GCFC2: variants seen among roughly 807,000 people sequenced by gnomAD.
The protein encoded by GCFC2 is GC-rich sequence DNA-binding factor 2, also known as intron Large complex component GCFC2.
GCFC2 carries 102 observed loss-of-function variants against 99.4 expected under a neutral mutation model. The ratio of observed to expected loss-of-function variants is 1.03; its 90% CI spans 0.87 to 1.21. The LOEUF (loss-of-function observed/expected upper bound fraction) is 1.21. Ranked by LOEUF, GCFC2 falls within the 50% of genes most tolerant of loss-of-function variation. The probability of loss-of-function intolerance (pLI) is 0.00; values close to 1 mark genes in which losing one functional copy is unlikely to be tolerated. For synonymous variants in GCFC2, 338 were observed against 316.8 expected (o/e 1.07, Z -0.71); for missense variants, 973 against 920.9 (o/e 1.06, Z -0.73).
At position 75,689,183 on chromosome 2, in the gene GCFC2, T is replaced by C. The variant is rs568695239; in HGVS notation, c.1382A>G (p.Gln461Arg). ...ATTCTGGATGTTACAAAAATCATCT[T>C]GCACTTCTTCAAAAACTTTCTTCTG... Reference protein sequence around the residue: ...QKQKKVFEEVQDDFCNIQNIL... With the variant: ...QKQKKVFEEVRDDFCNIQNIL... The change falls in exon 10 of 17, where the codon CAA becomes CGA. Residue 461 changes from glutamine (Q) to arginine (R), a missense_variant. Transcript: ENST00000321027. 2.0e-5 allele frequency: 32 copies of C among 1,604,814 alleles called. No individual in the cohort carries two copies. In the Admixed American group the frequency reaches 5.3e-4, roughly 26 times the overall value.
chr2:75,689,107 A>G lies in GCFC2; in HGVS notation c.1458T>C (p.Tyr486=), dbSNP rs764223374. 3.6e-5 allele frequency: 58 copies of G among 1,596,014 alleles called. No homozygotes were observed. The highest frequency in any genetic ancestry group is 4.9e-5 in the Non-Finnish European group (57 of 1,165,010). The change falls in exon 10 of 17, where the codon TAT becomes TAC. Residue 486 remains tyrosine (Y), a synonymous_variant. Coordinates refer to ENST00000321027, the MANE Select transcript of GCFC2 (RefSeq NM_003203.5). ...QWREKFPDSY[Y]EAFISLCIPK... ...GTATGCATAAACTAATGAAAGCTTC[A>G]TAATAGGAGTCAGGAAACTTTTCTC... is the stretch of plus-strand genomic sequence containing the variant.
In GCFC2 at chr2:75,689,011, G is replaced by A; in HGVS notation, c.1539+15C>T. ...ATATAATCAGGATAATTTTTCATAT[G>A]TTAAGCATAAATACCTTAAGAGGAT... On this transcript the variant is annotated intron_variant, in intron 10 of 16. Transcript: ENST00000321027. The A allele has an allele frequency of 7.3e-7, 1 of 1,377,344 alleles. No individual in the cohort carries two copies. Among genetic ancestry groups the A allele is most frequent in the Non-Finnish European group, 1.0e-6 (1 of 983,192 alleles). The allele number at this position is 1,377,344 out of a possible 1,614,324, so 85.3% of individuals were successfully genotyped here.
chr2:75,677,475 G>A (rs960957031), intron 12 of GCFC2, among the ~76,000 whole-genome samples: 1 of 152,198 alleles, frequency 6.6e-6, no homozygotes, highest in African/African-American at 2.4e-5. Context: ...ATTTTTGGTT[G>A]TGAAGACCGG....
At chr2:75,709,898 C>T (rs184679719) in intron 1 of GCFC2, among the ~76,000 whole-genome samples, 9 of 152,080 alleles carry the variant, frequency 5.9e-5, no homozygotes, top group African/African-American at 1.9e-4. Flanking sequence ...AACCAAAAAC[C>T]GTATTCCTCA....
upstream of GCFC2, among the ~76,000 whole-genome samples, chr2:75,712,637 G>A (rs1446492397): frequency 6.6e-6 from 1 of 152,118 alleles, no homozygotes; most frequent in African/African-American, 2.4e-5. Flanking sequence ...TCTTGCTACT[G>A]CTGACTCTTT....
At chr2:75,677,246 C>T (rs1186676942) in intron 12 of GCFC2, among the ~76,000 whole-genome samples, 1 of 152,154 alleles carries the variant, frequency 6.6e-6, no homozygotes, top group Non-Finnish European at 1.5e-5. Flanking sequence ...ACTATTATTA[C>T]CAGGCATTAG....
chr2:75,673,137 C>T (rs1040036951), intron 13 of GCFC2, among the ~76,000 whole-genome samples: 5 of 151,818 alleles, frequency 3.3e-5, no homozygotes, highest in Non-Finnish European at 4.4e-5. Flanking sequence ...GGTGAAACCC[C>T]ATCTCTACTA....
chr2:75,708,031 T>C (rs113802830), intron 1 of GCFC2, among the ~76,000 whole-genome samples: 1 of 152,252 alleles, frequency 6.6e-6, no homozygotes, highest in African/African-American at 2.4e-5. Context: ...ATGCAATGGC[T>C]GCCTTAAGGA....
intron 4 of GCFC2, 138 bp from the exon 5 acceptor site, chr2:75,696,453 C>A: frequency 6.4e-6 from 3 of 469,354 alleles, no homozygotes; most frequent in Non-Finnish European, 1.2e-5. Context: ...TTTCATGGTC[C>A]CAATAAAATG....
In GCFC2 at chr2:75,701,112, C is replaced by CT. The variant is rs1177703952; in HGVS notation, c.717+77dup. On this transcript the variant is annotated intron_variant, in intron 4 of 16. Coordinates refer to ENST00000321027, the MANE Select transcript of GCFC2 (RefSeq NM_003203.5). ...CGCTGTGAGAGAATAAATGTGTGTT[C>CT]TTTTGAGTCACCAAGTTTGTGGTAA... 4 of 817,226 alleles carry CT rather than the reference C, an allele frequency of 4.9e-6. No homozygotes were observed. The Admixed American group carries it at 6.1e-5, about 13-fold the overall frequency. 50.6% of individuals were successfully genotyped at this position (817,226 alleles called of 1,614,324 possible).
At chr2:75,666,725 A>C in intron 15 of GCFC2, among the ~76,000 whole-genome samples, 1 of 151,968 alleles carries the variant, frequency 6.6e-6, no homozygotes, top group African/African-American at 2.4e-5. Flanking sequence ...AAAAAAAAAA[A>C]AACTTCCTCA....
At chr2:75,671,885 C>A in intron 14 of GCFC2, 65 bp downstream of exon 14, 1 of 769,278 alleles carries the variant, frequency 1.3e-6, no homozygotes, top group South Asian at 1.4e-5. Context: ...GTTTGTTGTT[C>A]TTTGTTCTAT....
rs373840590 is a variant in GCFC2 at position 75,696,804 on chromosome 2, G to A, written c.718-489C>T. Among the ~76,000 whole-genome samples, 19 of 149,296 alleles carry A rather than the reference G, an allele frequency of 1.3e-4. No individual in the cohort carries two copies. The East Asian group carries it at 3.3e-3, about 26-fold the overall frequency. On this transcript the variant is annotated intron_variant, in intron 4 of 16. Coordinates refer to ENST00000321027, the MANE Select transcript of GCFC2 (RefSeq NM_003203.5). ...TTAAGACATTCTTTCTTTTTTTTTT[G>A]AGATGGAGTCTCGTTCTGTTGCCCA...
chr2:75,711,074 A>G (rs1341446722), upstream of GCFC2: 22 of 1,308,008 alleles, frequency 1.7e-5, no homozygotes, highest in Non-Finnish European at 1.6e-5. Flanking sequence ...TTTGCAAAGC[A>G]TTCCCTTTGC....
At chr2:75,702,087 C>T (rs1176737551) in intron 3 of GCFC2, 112 bp downstream of exon 3, 6 of 1,477,474 alleles carry the variant, frequency 4.1e-6, no homozygotes, top group Admixed American at 4.5e-5. Context: ...TGTTAAAAAC[C>T]ATTATCAACA....
chr2:75,711,259 G>A (rs1218725342), upstream of GCFC2: 3 of 967,558 alleles, frequency 3.1e-6, no homozygotes, highest in Non-Finnish European at 3.7e-6. Flanking sequence ...TCTGGAGAGA[G>A]TGCCCCCTCC....
At chr2:75,685,780 G>T (rs1679787246) in intron 11 of GCFC2, among the ~76,000 whole-genome samples, 1 of 151,930 alleles carries the variant, frequency 6.6e-6, no homozygotes, top group Non-Finnish European at 1.5e-5. Flanking sequence ...TTCAACAACT[G>T]ACTTGACATG....
rs768600768 is a variant in GCFC2, at chr2:75,702,221, T to C, written c.597A>G (p.Arg199=). 6.2e-7 allele frequency: 1 copy of C among 1,607,974 alleles called. No individual in the cohort carries two copies. The highest frequency in any genetic ancestry group is 8.5e-7 in the Non-Finnish European group (1 of 1,174,442). ...IPFTLRPQTL[R]QRMAEESISR... ...TACTTGATTCCTCAGCCATCCTTTG[T>C]CTAAGTGTTTGAGGTCTTAGAGTAA... is the stretch of plus-strand genomic sequence containing the variant. The change falls in exon 3 of 17, where the codon AGA becomes AGG. Residue 199 remains arginine (R), a synonymous_variant. Coordinates refer to ENST00000321027, the MANE Select transcript of GCFC2 (RefSeq NM_003203.5).
intron 12 of GCFC2, among the ~76,000 whole-genome samples, 163 bp from the exon 13 acceptor site, chr2:75,673,683 TAC>T (rs1407123004): frequency 6.6e-6 from 1 of 152,268 alleles, no homozygotes; most frequent in East Asian, 1.9e-4. Flanking sequence ...TCCATGTTGC[TAC>T]ATATGGGTAT....
Sources: allele counts gnomAD v4.1 joint callset (sites outside exome capture counted in the v4.1 genomes callset), GRCh38; gene constraint gnomAD v4.1.1; transcripts MANE v1.5; gene names NCBI Gene and HGNC (gene_info 2026-07-23, HGNC 2026-07-21).